The following SPEN variants were observed in gnomAD, a reference collection of about 807,000 sequenced individuals.
SPEN encodes the protein spen family transcriptional repressor.
A neutral mutation model predicts 269.9 loss-of-function variants in SPEN; 18 were observed. The ratio of observed to expected loss-of-function variants is 0.07; its 90% CI spans 0.05 to 0.10. The LOEUF is 0.10. SPEN is among the 10% of genes least tolerant of loss of function. The pLI is 1.00. For missense variants in SPEN, 3,822 were observed against 4,631.2 expected (o/e 0.83, Z 5.07); for synonymous variants, 1,726 against 1,765.7 (o/e 0.98, Z 0.56).
intron 3 of SPEN, among the ~76,000 whole-genome samples, chr1:15,899,636 A>G (rs2070881397): frequency 6.9e-6 from 1 of 145,874 alleles, no homozygotes; most frequent in Non-Finnish European, 1.5e-5. Context: ...GCTCCCAAGT[A>G]GTGTCAACTA....
rs201611317 is a variant in SPEN, at chr1:15,931,172, C to T, written c.4932C>T (p.Val1644=). The change falls in exon 11 of 15, where the codon GTC becomes GTT. Residue 1644 remains valine (V), a synonymous_variant. Coordinates refer to ENST00000375759, the MANE Select transcript of SPEN (RefSeq NM_015001.3). The surrounding 1 kb of genome is among the most constrained non-coding windows in gnomAD (Gnocchi z 4.8). ...CCGTTGGGCCTCCAAGTGTCACAGT[C>T]GTAACTCTAGAATCAGCCCCATCAG... ...PPSVGPPSVT[V]VTLESAPSAL... 75 of 1,614,148 alleles carry T rather than the reference C, an allele frequency of 4.6e-5. No individual in the cohort carries two copies. The highest frequency in any genetic ancestry group is 4.5e-5 in the East Asian group (2 of 44,884).
intron 4 of SPEN, among the ~76,000 whole-genome samples, chr1:15,910,489 GTT>G (rs1449324257): frequency 1.3e-5 from 2 of 152,160 alleles, no homozygotes; most frequent in East Asian, 3.9e-4. Flanking sequence ...ACATGTAAAA[GTT>G]TTATTATGAA....
At chr1:15,875,476 A>C (rs1050877443) in intron 2 of SPEN, among the ~76,000 whole-genome samples, 3 of 152,214 alleles carry the variant, frequency 2.0e-5, no homozygotes, top group African/African-American at 7.2e-5. Context: ...ATAGCACAGG[A>C]GTAAATAATT....
Position 15,934,090 on chromosome 1 carries a change from A to T in SPEN, c.7850A>T (p.Lys2617Ile). The T allele has an allele frequency of 2.5e-6, 4 of 1,611,008 alleles. No homozygotes were observed. The highest frequency in any genetic ancestry group is 3.4e-6 in the Non-Finnish European group (4 of 1,177,534). ...KEKVAPVIAP[K>I]ITSVISRMPV... is the part of the protein sequence containing the mutation. ...AAGGTGGCTCCAGTCATTGCTCCCA[A>T]AATTACCTCTGTTATTAGCCGGATG... The change falls in exon 11 of 15, where the codon AAA becomes ATA. Residue 2617 changes from lysine (K) to isoleucine (I), a missense_variant. Transcript: ENST00000375759. This position sits in a 1 kb window ranked among gnomAD's most constrained non-coding sequence, Gnocchi z 9.2.
intron 5 of SPEN, among the ~76,000 whole-genome samples, chr1:15,914,772 C>T (rs991534458): frequency 3.3e-5 from 5 of 151,604 alleles, no homozygotes; most frequent in East Asian, 1.9e-4. Flanking sequence ...TGCAGTGAGC[C>T]GAGATTGCTC....
rs2070631695 is a variant in SPEN, at chr1:15,876,484, A to C, written c.687A>C (p.Arg229=). The C allele has an allele frequency of 1.2e-6, 2 of 1,614,136 alleles. No homozygotes were observed. Among genetic ancestry groups the C allele is most frequent in the Non-Finnish European group, 1.7e-6 (2 of 1,180,036 alleles). The change falls in exon 3 of 15, where the codon CGA becomes CGC. Residue 229 remains arginine, a synonymous_variant. Transcript: ENST00000375759. ...GGGATGATATTACCCGGGAGGTACG[A>C]GGCAGAAGGCCAGAGCGGAATTACC... ...IYRDDITREV[R]GRRPERNYQH...
At chr1:15,903,346 T>G (rs2070921198) in intron 3 of SPEN, among the ~76,000 whole-genome samples, 1 of 152,210 alleles carries the variant, frequency 6.6e-6, no homozygotes, top group Non-Finnish European at 1.5e-5. Context: ...AATTACAAAT[T>G]ATAAGAAATA....
intron 2 of SPEN, among the ~76,000 whole-genome samples, chr1:15,874,726 C>T (rs2070614373): frequency 6.6e-6 from 1 of 152,118 alleles, no homozygotes; most frequent in African/African-American, 2.4e-5. Flanking sequence ...TCAAAGGAAA[C>T]CCTCTTATTT....
intron 9 of SPEN, among the ~76,000 whole-genome samples, chr1:15,921,662 C>G (rs1041735706): frequency 6.6e-6 from 1 of 152,160 alleles, no homozygotes; most frequent in Non-Finnish European, 1.5e-5. Flanking sequence ...TCTTTCCTTT[C>G]CTACTCTCCT....
intron 1 of SPEN, among the ~76,000 whole-genome samples, chr1:15,864,048 T>C (rs184376321): frequency 6.5e-4 from 99 of 152,202 alleles, no homozygotes; most frequent in African/African-American, 2.2e-3. Context: ...TTGAAGACAC[T>C]ATGTAAGTGA....
rs1035566021 is a variant in SPEN, at chr1:15,930,446, T to A, written c.4206T>A (p.Ser1402=). ...SPRASALYES[S]RLSFLLRDRE... The stretch of plus-strand genomic sequence containing the variant: ...GAGCCTCTGCATTATATGAAAGTTC[T>A]CGATTGTCTTTTTTATTGAGGGACA... The change falls in exon 11 of 15, where the codon TCT becomes TCA. Residue 1402 remains serine (S), a synonymous_variant. Coordinates refer to ENST00000375759, the MANE Select transcript of SPEN (RefSeq NM_015001.3). This position sits in a 1 kb window ranked among gnomAD's most constrained non-coding sequence, Gnocchi z 5.3. 4.3e-6 allele frequency: 7 copies of A among 1,614,098 alleles called. No homozygotes were observed. The East Asian group carries it at 6.7e-5, about 15-fold the overall frequency.
chr1:15,936,051 A>G lies in SPEN; in HGVS notation c.9811A>G (p.Thr3271Ala), dbSNP rs1048810133. The change falls in exon 11 of 15, where the codon ACA becomes GCA. Residue 3271 changes from threonine to alanine, a missense_variant. Coordinates refer to ENST00000375759, the MANE Select transcript of SPEN (RefSeq NM_015001.3). The part of the protein sequence containing the change: ...PAPHGEARIL[T>A]VTPSNQLQGL... ...CCCTCATGGTGAGGCCCGTATCCTC[A>G]CAGTTACCCCCAGTAACCAACTCCA... 5 of 1,578,930 alleles carry G rather than the reference A, an allele frequency of 3.2e-6. No homozygotes were observed. In the African/African-American group the frequency reaches 7.1e-5, roughly 22 times the overall value.
intron 3 of SPEN, among the ~76,000 whole-genome samples, chr1:15,882,036 TG>T (rs535073483): frequency 9.0e-4 from 137 of 152,286 alleles, no homozygotes; most frequent in African/African-American, 3.2e-3. Context: ...AGATTGCTAG[TG>T]GGGTATTTCA....
chr1:15,909,234 C>A (rs2070989327), intron 3 of SPEN, 87 bp from the exon 4 acceptor site: 1 of 1,412,690 alleles, frequency 7.1e-7, no homozygotes. Context: ...AAAATTTAGA[C>A]CTATTAGTTA....
intron 1 of SPEN, among the ~76,000 whole-genome samples, chr1:15,871,078 C>T (rs1399382340): frequency 6.6e-6 from 1 of 152,116 alleles, no homozygotes; most frequent in Non-Finnish European, 1.5e-5. Flanking sequence ...AAGTGATTCT[C>T]CTGCCTCAGC....
chr1:15,868,920 C>G (rs576661050), intron 1 of SPEN, among the ~76,000 whole-genome samples: 1 of 152,204 alleles, frequency 6.6e-6, no homozygotes, highest in Non-Finnish European at 1.5e-5. Flanking sequence ...GTCTTGTAAT[C>G]TGAGTATATG....
At chr1:15,923,915 G>A (rs866592770) in intron 10 of SPEN, among the ~76,000 whole-genome samples, 7 of 152,182 alleles carry the variant, frequency 4.6e-5, no homozygotes, top group Admixed American at 3.9e-4. Context: ...TGATCCGCCC[G>A]CCTTGGCCTC....
Position 15,933,503 on chromosome 1 carries a change from T to G in SPEN, c.7263T>G (p.Thr2421=). 1.2e-6 allele frequency: 2 copies of G among 1,613,918 alleles called. No homozygotes were observed. Among genetic ancestry groups the G allele is most frequent in the Non-Finnish European group, 1.7e-6 (2 of 1,179,934 alleles). ...AAGAAATCAGTGTTGAGGAAAGGAC[T>G]CCAACCAAAGCATCTGTGCCCCCAG... The part of the protein sequence containing the change: ...SSQEISVEER[T]PTKASVPPDL... The change falls in exon 11 of 15, where the codon ACT becomes ACG. Residue 2421 remains threonine (T), a synonymous_variant. Coordinates refer to ENST00000375759, the MANE Select transcript of SPEN (RefSeq NM_015001.3). The surrounding 1 kb of genome is among the most constrained non-coding windows in gnomAD (Gnocchi z 5.7).
rs2071335034 is a variant in SPEN, at chr1:15,940,413, T to TTTG, written c.*986_*987insTTG. 4.3e-6 allele frequency: 1 copy of TTTG among 231,622 alleles called. No individual in the cohort carries two copies. 14.3% of individuals were successfully genotyped at this position (231,622 alleles called of 1,614,324 possible). On this transcript the variant is annotated 3_prime_UTR_variant, in exon 15 of 15. Transcript: ENST00000375759. ...TTTTTCTCAGCGCAGTTTTGTTTTGTGTGTCCATTGGATTACAAACTTTAT... is the reference window on the plus strand; with the variant it reads ...TTTTTCTCAGCGCAGTTTTGTTTTGTTTGGTGTCCATTGGATTACAAACTTTAT...
Sources: gnomAD v4.1 joint callset for allele counts (sites outside exome capture counted in the v4.1 genomes callset) on GRCh38, gnomAD v4.1.1 for gene constraint, Gnocchi (gnomAD v3.1) non-coding constraint, MANE v1.5 for transcripts, NCBI Gene and HGNC (gene_info 2026-07-23, HGNC 2026-07-21) for gene names.